Variants in XG observed in about 807,000 individuals in gnomAD.
The protein encoded by XG is Xg glycoprotein (Xg blood group).
A neutral mutation model predicts 25.7 loss-of-function variants in XG; 24 were observed. That is an observed-to-expected ratio of 0.93 (90% confidence interval 0.68 to 1.31). XG has a LOEUF of 1.31. Ranked by LOEUF, XG falls within the 40% of genes most tolerant of loss-of-function variation. The probability of loss-of-function intolerance (pLI) is 0.00; values close to 1 mark genes in which losing one functional copy is unlikely to be tolerated. For synonymous variants in XG, 77 were observed against 69.2 expected (o/e 1.11, Z -0.56); for missense variants, 181 against 187.6 (o/e 0.96, Z 0.21).
At chrX:2,803,355 C>T (rs1454235023) in intron 7 of XG, among the ~76,000 whole-genome samples, 22 of 111,033 alleles carry the variant, frequency 2.0e-4, no homozygotes, top group South Asian at 7.8e-4. Flanking sequence ...GGGGTCTCAC[C>T]GTTGTAACTG....
intron 1 of XG, among the ~76,000 whole-genome samples, chrX:2,755,281 A>G (rs756224696): frequency 1.8e-3 from 278 of 152,300 alleles, no homozygotes; most frequent in Non-Finnish European, 3.3e-3. Flanking sequence ...GCCCATTTTT[A>G]TGGTTATTTC....
chrX:2,773,900 G>T (rs996982919), intron 2 of XG, among the ~76,000 whole-genome samples: 3 of 151,976 alleles, frequency 2.0e-5, no homozygotes, highest in Non-Finnish European at 4.4e-5. Flanking sequence ...AGGAGAAAAG[G>T]TGATGAGAAA....
At chrX:2,781,369 C>G (rs2051116490) in intron 3 of XG, among the ~76,000 whole-genome samples, 1 of 151,478 alleles carries the variant, frequency 6.6e-6, no homozygotes, top group African/African-American at 2.4e-5. Flanking sequence ...CAGGAGACAA[C>G]ATGAGGGTAA....
chrX:2,808,037 CTG>C (rs1185556188), intron 8 of XG, 146 bp from the exon 9 acceptor site: 1 of 578,051 alleles, frequency 1.7e-6, no homozygotes, highest in East Asian at 3.6e-5. Context: ...TGCTGCTTGG[CTG>C]TCCCCCTCCC....
chrX:2,770,640 A>G, intron 2 of XG, 49 bp downstream of exon 2: 1 of 1,609,630 alleles, frequency 6.2e-7, no homozygotes, highest in Non-Finnish European at 8.5e-7. Flanking sequence ...GCTTGGATCT[A>G]ACAGCATCAG....
intron 1 of XG, among the ~76,000 whole-genome samples, chrX:2,753,488 G>A (rs137912649): frequency 5.5e-4 from 83 of 152,250 alleles, no homozygotes; most frequent in African/African-American, 1.9e-3. Context: ...TTGACATGAT[G>A]GTTCAATTTA....
At chrX:2,776,837 ACTCCGT>A (rs1257523361) in intron 3 of XG, among the ~76,000 whole-genome samples, 2 of 146,438 alleles carry the variant, frequency 1.4e-5, no homozygotes, top group Non-Finnish European at 3.0e-5. Context: ...ACAGAGCGAG[ACTCCGT>A]CTCAACAACA....
chrX:2,758,042 C>T (rs144297722), intron 1 of XG, among the ~76,000 whole-genome samples: 6,289 of 150,252 alleles, frequency 0.042, 139 homozygotes, highest in Middle Eastern at 0.1. Flanking sequence ...AGCCATACCA[C>T]GCCAGCGTAC....
At position 2,797,318 on chromosome X, in the gene XG, G is replaced by A. The variant is rs1162697625; in HGVS notation, c.331G>A (p.Gly111Ser). ...PRPRPPAGGG[G>S]GGYSSYGNSD... ...CCTTCTCTGTCTAACAGGAGGTGGCGGCGGTGGCTACTCCAGTTATGGCAA... is the reference window on the plus strand; with the variant it reads ...CCTTCTCTGTCTAACAGGAGGTGGCAGCGGTGGCTACTCCAGTTATGGCAA... The change falls in exon 7 of 11, where the codon GGC (glycine) becomes AGC (serine). Residue 111 changes from glycine to serine, a missense_variant. Gly to Ser is a moderately conservative substitution (Grantham distance 56, BLOSUM62 0). Coordinates refer to ENST00000644266, the MANE Select transcript of XG (RefSeq NM_001141919.2). 11 of 1,208,495 alleles carry A rather than the reference G, an allele frequency of 9.1e-6. No homozygotes were observed. In the African/African-American group the frequency reaches 1.1e-4, roughly 12 times the overall value.
At chrX:2,803,087 A>G (rs1291964475) in intron 7 of XG, among the ~76,000 whole-genome samples, 16 of 111,910 alleles carry the variant, frequency 1.4e-4, no homozygotes, top group Non-Finnish European at 2.8e-4. Flanking sequence ...TTTAACTGAA[A>G]ATGTCAGGCA....
chrX:2,793,831 G>C (rs748917530), intron 5 of XG, among the ~76,000 whole-genome samples: 1 of 111,808 alleles, frequency 8.9e-6, no homozygotes, highest in African/African-American at 3.3e-5. Flanking sequence ...CACTGCCAAC[G>C]TGAGGGCTGG....
At chrX:2,764,689 G>C (rs1365216169) in intron 1 of XG, among the ~76,000 whole-genome samples, 2 of 151,896 alleles carry the variant, frequency 1.3e-5, no homozygotes, top group African/African-American at 4.8e-5. Context: ...GCTGACCCAA[G>C]AAAGTTGATT....
intron 4 of XG, among the ~76,000 whole-genome samples, chrX:2,786,102 G>A (rs1217148537): frequency 9.1e-6 from 1 of 109,518 alleles, no homozygotes; most frequent in East Asian, 2.9e-4. Flanking sequence ...TGTGTCCTTT[G>A]AAATTCAGCA....
intron 5 of XG, among the ~76,000 whole-genome samples, chrX:2,790,354 C>T (rs112982297): frequency 2.8e-4 from 30 of 108,896 alleles, no homozygotes; most frequent in African/African-American, 9.4e-4. Flanking sequence ...TACAAAAATT[C>T]GCCGGGCGTG....
rs749803272 is a variant in XG, at chrX:2,811,820, T to C, written c.571+368T>C. On this transcript the variant is annotated intron_variant, in intron 10 of 10. Coordinates refer to ENST00000644266, the MANE Select transcript of XG (RefSeq NM_001141919.2). ...CATGTTGGCCAGGCTGGTCTTGAAC[T>C]CCTGACCTCAAGTGAGCTGCCCGCC... Among the ~76,000 whole-genome samples, 440 of 111,240 alleles carry C rather than the reference T, an allele frequency of 4.0e-3. 2 individuals are homozygous for C. The highest frequency in any genetic ancestry group is 0.013 in the African/African-American group (407 of 30,597).
intron 5 of XG, among the ~76,000 whole-genome samples, chrX:2,792,362 A>T (rs1210919869): frequency 3.6e-5 from 4 of 110,436 alleles, no homozygotes; most frequent in Non-Finnish European, 7.6e-5. Flanking sequence ...TGAGTCAGGG[A>T]CTTGCTTGGT....
Position 2,814,267 on chromosome X carries a change from A to G in XG, c.572-97A>G, listed in dbSNP as rs1475869133. On this transcript the variant is annotated intron_variant, in intron 10 of 10. Transcript: ENST00000644266. ...TAAATCTAGAGCAAGAGTCTCTTGTAACAGCATAGAATTGGATCTTGGTTT... is the reference window on the plus strand; with the variant it reads ...TAAATCTAGAGCAAGAGTCTCTTGTGACAGCATAGAATTGGATCTTGGTTT... 5.9e-6 allele frequency: 6 copies of G among 1,022,958 alleles called. No homozygotes were observed. In the Admixed American group the frequency reaches 1.7e-4, roughly 29 times the overall value. The allele number at this position is 1,022,958 out of a possible 1,213,427, so 84.3% of individuals were successfully genotyped here.
At chrX:2,788,842 C>A (rs1312121797) in intron 4 of XG, among the ~76,000 whole-genome samples, 1 of 74,888 alleles carries the variant, frequency 1.3e-5, no homozygotes, top group Non-Finnish European at 2.8e-5. Flanking sequence ...GCGACAAAAG[C>A]GAAACTCCGT....
At chrX:2,779,312 G>A (rs756796950) in intron 3 of XG, among the ~76,000 whole-genome samples, 87 of 143,516 alleles carry the variant, frequency 6.1e-4, no homozygotes, top group African/African-American at 2.1e-3. Flanking sequence ...CTCCAGCTGA[G>A]GCTACAGAGT....
Sources: allele counts gnomAD v4.1 joint callset (sites outside exome capture counted in the v4.1 genomes callset), GRCh38; gene constraint gnomAD v4.1.1; transcripts MANE v1.5; gene names NCBI Gene and HGNC (gene_info 2026-07-23, HGNC 2026-07-21).